IMMP2L: variants seen among roughly 807,000 people sequenced by gnomAD.
The protein encoded by IMMP2L is inner mitochondrial membrane peptidase subunit 2.
Under a neutral mutation model 19.3 loss-of-function variants are expected in IMMP2L, and 18 were observed. That is an observed-to-expected ratio of 0.93 (90% CI 0.64 to 1.38). The LOEUF is 1.38. Ranked by LOEUF, IMMP2L falls within the 40% of genes most tolerant of loss-of-function variation. The probability of loss-of-function intolerance (pLI) is 0.00; values close to 1 mark genes in which losing one functional copy is unlikely to be tolerated. For missense variants in IMMP2L, 233 were observed against 218.2 expected (o/e 1.07, Z -0.43); for synonymous variants, 76 against 73.0 (o/e 1.04, Z -0.21).
intron 3 of IMMP2L, among the ~76,000 whole-genome samples, chr7:111,445,739 G>C (rs1838298704): frequency 1.3e-5 from 2 of 152,180 alleles, no homozygotes; most frequent in Non-Finnish European, 2.9e-5. Flanking sequence ...CCGGTCTACA[G>C]CTCCCAGCGT....
chr7:110,673,660 CA>C (rs1302351379), intron 5 of IMMP2L, among the ~76,000 whole-genome samples: 1 of 152,202 alleles, frequency 6.6e-6, no homozygotes, highest in East Asian at 1.9e-4. Context: ...ATCTCTAGGG[CA>C]GGGGGAAAAT....
chr7:111,349,681 C>T (rs1827943227), intron 3 of IMMP2L, among the ~76,000 whole-genome samples: 2 of 151,984 alleles, frequency 1.3e-5, no homozygotes, highest in South Asian at 4.1e-4. Flanking sequence ...GAAGTCCCTG[C>T]TTTAAAGAGA....
At chr7:110,865,295 G>T (rs758097191) in intron 5 of IMMP2L, among the ~76,000 whole-genome samples, 41 of 151,870 alleles carry the variant, frequency 2.7e-4, no homozygotes, top group Non-Finnish European at 4.4e-4. Context: ...TCCTCTAAAA[G>T]TAAATAAAAT....
At chr7:110,795,497 A>C (rs553140862) in intron 5 of IMMP2L, among the ~76,000 whole-genome samples, 2 of 152,128 alleles carry the variant, frequency 1.3e-5, no homozygotes, top group African/African-American at 4.8e-5. Context: ...TCTTGAGGGC[A>C]AGATACTGTG....
chr7:110,879,705 T>G (rs1001140434), intron 5 of IMMP2L, among the ~76,000 whole-genome samples: 6 of 152,166 alleles, frequency 3.9e-5, no homozygotes, highest in Non-Finnish European at 8.8e-5. Flanking sequence ...TTCTGCAGAT[T>G]CCTCTTGGGA....
At chr7:111,280,000 C>T (rs1205046691) in intron 3 of IMMP2L, among the ~76,000 whole-genome samples, 2 of 152,104 alleles carry the variant, frequency 1.3e-5, no homozygotes, top group Non-Finnish European at 2.9e-5. Context: ...CCTATTCAAA[C>T]TATTCTCCAC....
At chr7:110,716,196 G>A (rs1795224459) in intron 5 of IMMP2L, among the ~76,000 whole-genome samples, 2 of 151,896 alleles carry the variant, frequency 1.3e-5, no homozygotes, top group Admixed American at 6.5e-5. Flanking sequence ...TATCCTTAGA[G>A]GTGAGATGGG....
At chr7:110,799,494 A>G (rs2093001578) in intron 5 of IMMP2L, among the ~76,000 whole-genome samples, 1 of 152,000 alleles carries the variant, frequency 6.6e-6, no homozygotes, top group Non-Finnish European at 1.5e-5. Flanking sequence ...ATTATCTTCT[A>G]TTTTTATATC....
At chr7:111,488,829 A>C (rs1268728783) in intron 2 of IMMP2L, among the ~76,000 whole-genome samples, 1 of 152,036 alleles carries the variant, frequency 6.6e-6, no homozygotes, top group Non-Finnish European at 1.5e-5. Context: ...AGCAGCGTAA[A>C]AGTGTTTCCT....
intron 4 of IMMP2L, among the ~76,000 whole-genome samples, chr7:110,892,834 A>G (rs986849401): frequency 7.9e-5 from 12 of 152,186 alleles, no homozygotes; most frequent in Non-Finnish European, 1.6e-4. Flanking sequence ...TTTAAAAATC[A>G]ACAGTCACAT....
At chr7:111,249,986 T>C (rs1815897994) in intron 3 of IMMP2L, among the ~76,000 whole-genome samples, 1 of 152,166 alleles carries the variant, frequency 6.6e-6, no homozygotes. Context: ...GCAGATGACA[T>C]AATCCTGTAT....
chr7:110,965,123 A>G (rs1819397994), intron 3 of IMMP2L, among the ~76,000 whole-genome samples: 1 of 152,100 alleles, frequency 6.6e-6, no homozygotes, highest in Non-Finnish European at 1.5e-5. Flanking sequence ...CTATCTTAAT[A>G]TGGTCAATTT....
intron 3 of IMMP2L, among the ~76,000 whole-genome samples, chr7:111,262,517 C>T (rs1376373544): frequency 6.6e-6 from 1 of 152,092 alleles, no homozygotes; most frequent in Non-Finnish European, 1.5e-5. Context: ...TTGACTATGT[C>T]TACACCCCTT....
At position 110,982,024 on chromosome 7, in the gene IMMP2L, T is replaced by G. The variant is rs117045713; in HGVS notation, c.240-18459A>C. ...GATAGTAGGGCATTTTATTAGGACA[T>G]TTAAGGTGAAGCATACATTGCAAGA... On this transcript the variant is annotated intron_variant, in intron 3 of 5. Transcript: ENST00000405709. 2.0e-5 allele frequency among the ~76,000 whole-genome samples: 3 copies of G among 152,194 alleles called. No homozygotes were observed. In the South Asian group the frequency reaches 6.2e-4, roughly 32 times the overall value.
chr7:111,193,287 C>T (rs529698021), intron 3 of IMMP2L, among the ~76,000 whole-genome samples: 6 of 152,074 alleles, frequency 3.9e-5, no homozygotes, highest in Non-Finnish European at 5.9e-5. Context: ...AGAACAAGGG[C>T]GTGGCAGAAG....
chr7:110,666,997 G>C (rs1791506325), intron 5 of IMMP2L, among the ~76,000 whole-genome samples: 1 of 152,108 alleles, frequency 6.6e-6, no homozygotes, highest in African/African-American at 2.4e-5. Flanking sequence ...TCAGCCTCCT[G>C]AGTAGCTGGG....
chr7:110,947,907 C>T lies in IMMP2L; in HGVS notation c.305+15593G>A, dbSNP rs562048951. Among the ~76,000 whole-genome samples, 4 of 152,212 alleles carry T rather than the reference C, an allele frequency of 2.6e-5. 1 individual carries two copies. The South Asian group carries it at 8.3e-4, about 32-fold the overall frequency. On this transcript the variant is annotated intron_variant, in intron 4 of 5. Coordinates refer to ENST00000405709, the MANE Select transcript of IMMP2L (RefSeq NM_032549.4). ...AACAAAGTAGAAAATCTCTTTGATT[C>T]CCAGATGTCCAGTTGCAGAGCCCAA...
At chr7:110,966,046 A>G (rs1745224412) in intron 3 of IMMP2L, among the ~76,000 whole-genome samples, 2 of 152,188 alleles carry the variant, frequency 1.3e-5, no homozygotes, top group East Asian at 3.9e-4. Flanking sequence ...AAGAGCAGAC[A>G]GGTTAAATAA....
chr7:111,502,667 C>A (rs989875997), intron 2 of IMMP2L, among the ~76,000 whole-genome samples: 1 of 151,714 alleles, frequency 6.6e-6, no homozygotes, highest in Non-Finnish European at 1.5e-5. Context: ...TTAAGAAACT[C>A]ACTCAAAACC....
Sources: allele counts gnomAD v4.1 joint callset (sites outside exome capture counted in the v4.1 genomes callset), GRCh38; gene constraint gnomAD v4.1.1; transcripts MANE v1.5; gene names NCBI Gene and HGNC (gene_info 2026-07-23, HGNC 2026-07-21).